Variants in XYLT1 observed in about 807,000 individuals in gnomAD.
The protein encoded by XYLT1 is xylosyltransferase 1.
Under a neutral mutation model 91.3 loss-of-function variants are expected in XYLT1, and 36 were observed. The ratio of observed to expected loss-of-function variants is 0.39; its 90% confidence interval spans 0.30 to 0.52. The LOEUF (loss-of-function observed/expected upper bound fraction) is 0.52, where lower values mean the gene tolerates loss of function less well. Among genes scored for constraint, XYLT1 ranks in the 20% least tolerant of loss-of-function variants. The pLI, the probability that XYLT1 is intolerant of heterozygous loss-of-function variation, is 0.68. For synonymous variants in XYLT1, 588 were observed against 532.0 expected, an observed-to-expected ratio of 1.11 and a Z score of -1.45; for missense variants, 1,242 against 1,284.5, an observed-to-expected ratio of 0.97 and a Z score of 0.51.
chr16:17,272,908 G>T (rs1181894168), intron 2 of XYLT1, among the ~76,000 whole-genome samples: 1 of 152,290 alleles, frequency 6.6e-6, no homozygotes, highest in Middle Eastern at 3.4e-3. Context: ...AGGTGGCATT[G>T]TCCCTAATGA....
Position 17,134,693 on chromosome 16 carries a change from C to T in XYLT1, c.1807G>A (p.Val603Met), listed in dbSNP as rs187270026. The stretch of plus-strand genomic sequence containing the variant: ...TGCCCAATGATTTCCTGATTCACCA[C>T]GGCTTCAAACTTGCGGGCAAAGAAG... The part of the protein sequence containing the change: ...PTFFARKFEA[V>M]VNQEIIGQLD... The change falls in exon 9 of 12, where the codon GTG becomes ATG. Residue 603 changes from valine to methionine, a missense_variant. Coordinates refer to ENST00000261381, the MANE Select transcript of XYLT1 (RefSeq NM_022166.4). 5.3e-5 allele frequency: 86 copies of T among 1,614,196 alleles called. No individual in the cohort carries two copies. The Admixed American group carries it at 1.0e-3, about 20-fold the overall frequency.
chr16:17,140,042 G>A (rs1030122644), intron 7 of XYLT1, among the ~76,000 whole-genome samples: 1 of 152,162 alleles, frequency 6.6e-6, no homozygotes, highest in Admixed American at 6.5e-5. Flanking sequence ...AACGGAACCA[G>A]CTCTGCACTG....
At chr16:17,374,940 T>G (rs775993383) in intron 1 of XYLT1, among the ~76,000 whole-genome samples, 19 of 152,208 alleles carry the variant, frequency 1.2e-4, no homozygotes, top group African/African-American at 2.4e-5. Flanking sequence ...ATAACCAGTG[T>G]GACCAAGCAT....
intron 2 of XYLT1, among the ~76,000 whole-genome samples, chr16:17,270,862 C>T (rs1284866701): frequency 6.6e-6 from 1 of 152,120 alleles, no homozygotes; most frequent in Non-Finnish European, 1.5e-5. Context: ...AGACTACATG[C>T]CCAGAAAAGC....
intron 3 of XYLT1, among the ~76,000 whole-genome samples, chr16:17,240,862 A>C (rs569379962): frequency 2.6e-5 from 4 of 152,230 alleles, no homozygotes; most frequent in Non-Finnish European, 5.9e-5. Flanking sequence ...AATGAGGCAC[A>C]CAGAGGTTTA....
At chr16:17,437,595 C>T (rs1388326386) in intron 1 of XYLT1, among the ~76,000 whole-genome samples, 1 of 152,138 alleles carries the variant, frequency 6.6e-6, no homozygotes, top group African/African-American at 2.4e-5. Context: ...CCACCCTGCA[C>T]AGCTATCACC....
chr16:17,229,386 T>C (rs1354030897), intron 3 of XYLT1, among the ~76,000 whole-genome samples: 2 of 152,188 alleles, frequency 1.3e-5, no homozygotes, highest in African/African-American at 4.8e-5. Context: ...TAGTTACACC[T>C]AGATCACAAA....
At chr16:17,298,213 G>A (rs2034342355) in intron 2 of XYLT1, among the ~76,000 whole-genome samples, 1 of 152,118 alleles carries the variant, frequency 6.6e-6, no homozygotes, top group Non-Finnish European at 1.5e-5. Context: ...TCAGGTGACA[G>A]CCATGAGGAG....
chr16:17,171,508 A>C (rs2031818837), intron 5 of XYLT1, among the ~76,000 whole-genome samples: 1 of 152,242 alleles, frequency 6.6e-6, no homozygotes, highest in African/African-American at 2.4e-5. Flanking sequence ...TGCTGCGTCC[A>C]GTAGACTCTT....
intron 1 of XYLT1, among the ~76,000 whole-genome samples, chr16:17,360,916 TA>T (rs2035373485): frequency 6.6e-6 from 1 of 152,220 alleles, no homozygotes; most frequent in Non-Finnish European, 1.5e-5. Flanking sequence ...CCGGTACCAG[TA>T]ACCATGGAAC....
chr16:17,138,654 C>CATCTCATCA, intron 7 of XYLT1, 123 bp from the exon 8 acceptor site: 1 of 1,193,518 alleles, frequency 8.4e-7, no homozygotes, highest in East Asian at 2.5e-5. Flanking sequence ...AAGAATGTGG[C>CATCTCATCA]ATCTCATCAG....
intron 5 of XYLT1, among the ~76,000 whole-genome samples, chr16:17,174,733 C>T (rs749436434): frequency 2.2e-4 from 34 of 152,036 alleles, no homozygotes; most frequent in Admixed American, 1.3e-3. Flanking sequence ...ATGTATTAAG[C>T]GCCACTAATT....
At chr16:17,321,755 G>A (rs943314539) in intron 2 of XYLT1, among the ~76,000 whole-genome samples, 2 of 152,094 alleles carry the variant, frequency 1.3e-5, no homozygotes, top group African/African-American at 4.8e-5. Context: ...TGGTTCCAGG[G>A]ATGGGGTGCT....
Position 17,117,821 on chromosome 16 carries a change from G to T in XYLT1, c.2382C>A (p.Thr794=). 6.2e-7 allele frequency: 1 copy of T among 1,614,170 alleles called. No homozygotes were observed. Among genetic ancestry groups the T allele is most frequent in the African/African-American group, 1.3e-5 (1 of 75,032 alleles). ...CAGTGGACTCAATGAGGATGTCGTAGGTGGCTGCGATGACATTGACGGGAT... is the reference window on the plus strand; with the variant it reads ...CAGTGGACTCAATGAGGATGTCGTATGTGGCTGCGATGACATTGACGGGAT... The part of the protein sequence containing the change: ...WVDPVNVIAA[T]YDILIESTAE... The change falls in exon 11 of 12, where the codon ACC becomes ACA. Residue 794 remains threonine (T), a synonymous_variant. Coordinates refer to ENST00000261381, the MANE Select transcript of XYLT1 (RefSeq NM_022166.4).
intron 2 of XYLT1, among the ~76,000 whole-genome samples, chr16:17,310,704 C>T (rs976827165): frequency 5.3e-5 from 8 of 152,094 alleles, no homozygotes; most frequent in African/African-American, 1.4e-4. Context: ...CAAAAATTAG[C>T]CAGGCGTGGT....
chr16:17,209,696 A>G (rs1367800286), intron 3 of XYLT1, among the ~76,000 whole-genome samples: 2 of 152,192 alleles, frequency 1.3e-5, no homozygotes, highest in Non-Finnish European at 2.9e-5. Context: ...TCTGTCAAAG[A>G]GAACTCACCT....
At chr16:17,352,815 C>T (rs911763602) in intron 2 of XYLT1, among the ~76,000 whole-genome samples, 40 of 152,220 alleles carry the variant, frequency 2.6e-4, no homozygotes, top group Non-Finnish European at 4.4e-4. Context: ...ATCTGACTCT[C>T]CTAGAATGGA....
At chr16:17,420,309 C>T (rs572285710) in intron 1 of XYLT1, among the ~76,000 whole-genome samples, 49 of 152,254 alleles carry the variant, frequency 3.2e-4, no homozygotes, top group African/African-American at 1.1e-3. Context: ...GAAGTAATGG[C>T]TAATGTTAAT....
At chr16:17,379,949 G>T (rs2035658840) in intron 1 of XYLT1, among the ~76,000 whole-genome samples, 1 of 152,114 alleles carries the variant, frequency 6.6e-6, no homozygotes, top group Non-Finnish European at 1.5e-5. Flanking sequence ...GAAGAAATAT[G>T]CACTTTTGTC....
Sources: gnomAD v4.1 joint callset for allele counts (sites outside exome capture counted in the v4.1 genomes callset) on GRCh38, gnomAD v4.1.1 for gene constraint, MANE v1.5 for transcripts, NCBI Gene and HGNC (gene_info 2026-07-23, HGNC 2026-07-21) for gene names.